The following RYR2 variants were observed in gnomAD, a reference collection of about 807,000 sequenced individuals.
RYR2 encodes the protein ryanodine receptor 2.
In RYR2, 227 loss-of-function variants were observed where a neutral mutation model predicts 601.1. The observed-to-expected ratio is 0.38, with a 90% confidence interval of 0.34 to 0.42. The LOEUF (loss-of-function observed/expected upper bound fraction) is 0.42, where lower values mean the gene tolerates loss of function less well. Ranked by LOEUF, RYR2 falls within the 10% of genes least tolerant of loss-of-function variation. RYR2 has a pLI of 1.00. For missense variants in RYR2, 4,646 were observed against 6,156.5 expected (o/e 0.75, Z 8.21); for synonymous variants, 2,223 against 2,175.1 (o/e 1.02, Z -0.61).
At chr1:237,675,356 A>T (rs1685305239) in intron 60 of RYR2, among the ~76,000 whole-genome samples, 1 of 152,168 alleles carries the variant, frequency 6.6e-6, no homozygotes, top group South Asian at 2.1e-4. Flanking sequence ...GTGCTGTCTC[A>T]AAATTTTTAA....
At chr1:237,570,089 G>A (rs1408368043) in intron 29 of RYR2, among the ~76,000 whole-genome samples, 1 of 151,858 alleles carries the variant, frequency 6.6e-6, no homozygotes, top group East Asian at 2.0e-4. Context: ...ATGGTGGCAT[G>A]CACCTGTAAT....
At chr1:237,704,791 A>G (rs902009524) in intron 66 of RYR2, among the ~76,000 whole-genome samples, 10 of 152,140 alleles carry the variant, frequency 6.6e-5, no homozygotes, top group African/African-American at 2.4e-4. Context: ...GATATTTACA[A>G]AAAGTTACAG....
At chr1:237,772,516 C>T (rs148086766) in intron 86 of RYR2, among the ~76,000 whole-genome samples, 14 of 152,284 alleles carry the variant, frequency 9.2e-5, no homozygotes, top group Non-Finnish European at 1.8e-4. Context: ...AAGGTCAGTT[C>T]TTTTCAGCTG....
At chr1:237,165,766 C>T (rs1676638407) in intron 1 of RYR2, among the ~76,000 whole-genome samples, 1 of 152,034 alleles carries the variant, frequency 6.6e-6, no homozygotes, top group Non-Finnish European at 1.5e-5. Context: ...ACTTGAGAGG[C>T]TGAGGCGGGA....
In RYR2 at chr1:237,603,538, G is replaced by T. The variant is rs189259550; in HGVS notation, c.4683+1427G>T. ...CGTCAACTAATGAGCAAAATAACCA[G>T]CTGACATCATAATGACAGGATCAAA... On this transcript the variant is annotated intron_variant, in intron 35 of 104. Coordinates refer to ENST00000366574, the MANE Select transcript of RYR2 (RefSeq NM_001035.3). 1.7e-3 allele frequency among the ~76,000 whole-genome samples: 258 copies of T among 152,254 alleles called. 3 individuals carry two copies. The highest frequency in any genetic ancestry group is 4.0e-4 in the Non-Finnish European group (27 of 68,026).
chr1:237,366,101 C>T (rs1700172524), intron 5 of RYR2, among the ~76,000 whole-genome samples: 1 of 152,210 alleles, frequency 6.6e-6, no homozygotes, highest in South Asian at 2.1e-4. Flanking sequence ...AATCATCATG[C>T]TTTGCTTTGG....
intron 17 of RYR2, among the ~76,000 whole-genome samples, chr1:237,470,302 T>C (rs1411441139): frequency 6.6e-6 from 1 of 152,146 alleles, no homozygotes; most frequent in Non-Finnish European, 1.5e-5. Flanking sequence ...CCATACAAAA[T>C]AGTTCTGAGA....
chr1:237,531,997 T>G (rs981516718), intron 25 of RYR2, among the ~76,000 whole-genome samples: 3 of 152,172 alleles, frequency 2.0e-5, no homozygotes, highest in Admixed American at 2.0e-4. Context: ...TAATCAATGT[T>G]TTATGCTTGG....
At chr1:237,442,972 T>C (rs1708040992) in intron 13 of RYR2, among the ~76,000 whole-genome samples, 1 of 152,222 alleles carries the variant, frequency 6.6e-6, no homozygotes, top group African/African-American at 2.4e-5. Context: ...TTGGAACAAG[T>C]TGGGTATGTG....
rs1335207199 is a variant in RYR2 at position 237,364,685 on chromosome 1, AT to A, written c.309+318del. On this transcript the variant is annotated intron_variant, in intron 5 of 104. Coordinates refer to ENST00000366574, the MANE Select transcript of RYR2 (RefSeq NM_001035.3). ...AACAACTCAACAAACAACATTTGAC[AT>A]TTTTGGGTCATATTGTAACATTATA... 4.5e-4 allele frequency among the ~76,000 whole-genome samples: 66 copies of A among 145,350 alleles called. 1 individual carries two copies. Among genetic ancestry groups the A allele is most frequent in the Non-Finnish European group, 1.8e-4 (12 of 65,594 alleles).
intron 1 of RYR2, among the ~76,000 whole-genome samples, chr1:237,059,996 C>T (rs1370912738): frequency 6.6e-6 from 1 of 152,148 alleles, no homozygotes; most frequent in Non-Finnish European, 1.5e-5. Flanking sequence ...TAATAAGACT[C>T]CTAAATGGGA....
Position 237,445,518 on chromosome 1 carries a change from A to C in RYR2, c.1288A>C (p.Ile430Leu). 1 of 1,613,402 alleles carries C rather than the reference A, an allele frequency of 6.2e-7. No individual in the cohort carries two copies. The highest frequency in any genetic ancestry group is 8.5e-7 in the Non-Finnish European group (1 of 1,179,524). Reference protein sequence around the residue: ...RSTVFLFNRFIRGLDALSKKA... With the variant: ...RSTVFLFNRFLRGLDALSKKA... ...CACAGTCTTCCTTTTCAATAGATTT[A>C]TAAGGTACTTTTTCTTTTGTAGGCG... Residue 430 changes from isoleucine (I) to leucine (L), a missense_variant, in exon 14 of 105, where the codon ATA (isoleucine) becomes CTA (leucine). By Grantham distance (5) the Ile-to-Leu change is conservative. Coordinates refer to ENST00000366574, the MANE Select transcript of RYR2 (RefSeq NM_001035.3).
chr1:237,111,945 T>A (rs140989233), intron 1 of RYR2, among the ~76,000 whole-genome samples: 2 of 152,230 alleles, frequency 1.3e-5, no homozygotes, highest in African/African-American at 4.8e-5. Flanking sequence ...ACCTTGTCTG[T>A]TTGGCACCCC....
intron 35 of RYR2, among the ~76,000 whole-genome samples, chr1:237,609,709 C>T (rs998218421): frequency 5.3e-5 from 8 of 152,178 alleles, no homozygotes; most frequent in African/African-American, 1.9e-4. Context: ...CCCATTCTGA[C>T]AACCCCATTT....
chr1:237,697,521 T>C (rs941531768), intron 63 of RYR2, among the ~76,000 whole-genome samples: 3 of 146,240 alleles, frequency 2.1e-5, no homozygotes, highest in Non-Finnish European at 4.5e-5. Context: ...TATAATCTTT[T>C]TGTATATAAC....
At chr1:237,322,979 T>C (rs976292671) in intron 2 of RYR2, among the ~76,000 whole-genome samples, 2 of 152,162 alleles carry the variant, frequency 1.3e-5, no homozygotes, top group Non-Finnish European at 2.9e-5. Context: ...TTCTGTGGTG[T>C]GTTATTCGTC....
At chr1:237,485,277 T>C (rs1202734932) in intron 17 of RYR2, among the ~76,000 whole-genome samples, 5 of 152,216 alleles carry the variant, frequency 3.3e-5, no homozygotes, top group Non-Finnish European at 7.3e-5. Context: ...AGATTTATTT[T>C]GTTTAAACAG....
At chr1:237,805,575 T>TTTTTTTTTTTTTTTTTTTTTTTGAGACA (rs1558456088) in intron 98 of RYR2, among the ~76,000 whole-genome samples, 2 of 103,414 alleles carry the variant, frequency 1.9e-5, no homozygotes, top group Non-Finnish European at 3.6e-5. Context: ...AGCTAGACTC[T>TTTTTTTTTTTTTTTTTTTTTTTGAGACA]GTCTCAAAAA....
intron 56 of RYR2, 70 bp downstream of exon 56, chr1:237,661,017 T>C (rs1365103458): frequency 2.4e-6 from 3 of 1,232,664 alleles, no homozygotes; most frequent in Non-Finnish European, 2.1e-6. Context: ...AATTTAATTA[T>C]TGAGTTTTTC....
Sources: gnomAD v4.1 joint callset for allele counts (sites outside exome capture counted in the v4.1 genomes callset) on GRCh38, gnomAD v4.1.1 for gene constraint, MANE v1.5 for transcripts, NCBI Gene and HGNC (gene_info 2026-07-23, HGNC 2026-07-21) for gene names.